The following FAM20C variants were observed in gnomAD, a reference collection of about 807,000 sequenced individuals.
FAM20C encodes the protein extracellular serine/threonine protein kinase FAM20C.
In FAM20C, 40 loss-of-function variants were observed where a neutral mutation model predicts 51.5. That is an observed-to-expected ratio of 0.78 (90% CI 0.60 to 1.01). The LOEUF (loss-of-function observed/expected upper bound fraction) is 1.01, where lower values mean the gene tolerates loss of function less well. FAM20C is among the 50% of genes least tolerant of loss of function. The pLI is 0.00. For synonymous variants in FAM20C, 406 were observed against 380.6 expected (o/e 1.07, Z -0.78); for missense variants, 861 against 844.7 (o/e 1.02, Z -0.24).
At chr7:256,505 G>A (rs935403105) in intron 6 of FAM20C, 149 bp from the exon 7 acceptor site, 47 of 671,094 alleles carry the variant, frequency 7.0e-5, no homozygotes, top group African/African-American at 1.8e-4. Flanking sequence ...CCGTGCTCCC[G>A]CTAATGCAGC....
intron 2 of FAM20C, chr7:197,593 C>T (rs1309749592): frequency 6.3e-6 from 1 of 159,892 alleles, no homozygotes; most frequent in Admixed American, 6.5e-5. Flanking sequence ...TGTGAGCAAG[C>T]TTGTTAAATA....
At chr7:223,814 C>A (rs901233139) in intron 3 of FAM20C, among the ~76,000 whole-genome samples, 1 of 152,118 alleles carries the variant, frequency 6.6e-6, no homozygotes, top group Non-Finnish European at 1.5e-5. Flanking sequence ...GAACTTTTTT[C>A]ATTTGAAGAA....
intron 3 of FAM20C, among the ~76,000 whole-genome samples, chr7:223,097 G>A (rs771042115): frequency 6.6e-6 from 1 of 152,042 alleles, no homozygotes; most frequent in African/African-American, 2.4e-5. Flanking sequence ...ATGTGGGGGA[G>A]TGTGCACGTG....
intron 8 of FAM20C, chr7:257,491 G>T: frequency 5.0e-6 from 1 of 201,772 alleles, no homozygotes; most frequent in Non-Finnish European, 1.0e-5. Flanking sequence ...GGTCTTGGGC[G>T]GCGCTGTGAG....
intron 2 of FAM20C, among the ~76,000 whole-genome samples, chr7:206,134 A>G (rs1325355071): frequency 1.3e-5 from 2 of 152,088 alleles, no homozygotes; most frequent in South Asian, 4.2e-4. Flanking sequence ...TCTTCCTTCC[A>G]TGACATTCCC....
chr7:223,066 C>T (rs910495922), intron 3 of FAM20C, among the ~76,000 whole-genome samples: 2 of 151,966 alleles, frequency 1.3e-5, no homozygotes, highest in African/African-American at 4.8e-5. Flanking sequence ...CACTCATGCA[C>T]GTGTGTGTAG....
In FAM20C at chr7:212,585, C is replaced by G. The variant is rs62430288; in HGVS notation, c.863+3609C>G. Among the ~76,000 whole-genome samples the G allele has an allele frequency of 4.6e-3, 693 of 151,384 alleles. 7 individuals carry two copies. The highest frequency in any genetic ancestry group is 7.2e-3 in the Non-Finnish European group (490 of 67,870). On this transcript the variant is annotated intron_variant, in intron 3 of 9. Transcript: ENST00000313766. ...TTTCTCCTCCGAGGTGCTAGATGTG[C>G]GGTGAGAGGGTGTAGGTGAGGGGCC...
At chr7:226,537 C>T (rs1787455609) in intron 3 of FAM20C, among the ~76,000 whole-genome samples, 1 of 152,180 alleles carries the variant, frequency 6.6e-6, no homozygotes, top group Admixed American at 6.5e-5. Flanking sequence ...TCTCAGGTGG[C>T]CCCGTGTGCC....
intron 3 of FAM20C, among the ~76,000 whole-genome samples, chr7:223,250 A>G (rs1787320480): frequency 6.6e-6 from 1 of 152,148 alleles, no homozygotes; most frequent in Non-Finnish European, 1.5e-5. Context: ...CCAGCCTCAC[A>G]GGGATGGAGA....
intron 3 of FAM20C, among the ~76,000 whole-genome samples, chr7:213,536 T>C (rs1323833561): frequency 6.6e-6 from 1 of 152,028 alleles, no homozygotes; most frequent in African/African-American, 2.4e-5. Flanking sequence ...GGCTAAGTAA[T>C]ATTCCAAGGT....
chr7:207,617 G>A (rs1226399215), intron 2 of FAM20C, among the ~76,000 whole-genome samples: 3 of 152,328 alleles, frequency 2.0e-5, no homozygotes, highest in East Asian at 3.9e-4. Flanking sequence ...TTCCATTTAC[G>A]TCTGTGCCGG....
intron 3 of FAM20C, among the ~76,000 whole-genome samples, chr7:234,883 A>G (rs1187264063): frequency 6.6e-6 from 1 of 151,928 alleles, no homozygotes; most frequent in Non-Finnish European, 1.5e-5. Context: ...TGCATGTCTC[A>G]TGGGGACCTC....
chr7:211,378 G>A (rs1562372284), intron 3 of FAM20C, among the ~76,000 whole-genome samples: 2 of 60,552 alleles, frequency 3.3e-5, no homozygotes, highest in Non-Finnish European at 6.7e-5. Context: ...CCAACCTCCC[G>A]GCCTGCCCCC....
intron 1 of FAM20C, among the ~76,000 whole-genome samples, chr7:194,520 G>T (rs1049378349): frequency 7.2e-5 from 11 of 151,746 alleles, no homozygotes; most frequent in Admixed American, 2.0e-4. Context: ...CCTGCCGAAG[G>T]TTACCCCAGC....
chr7:202,301 G>T (rs1279338493), intron 2 of FAM20C, among the ~76,000 whole-genome samples: 3 of 149,032 alleles, frequency 2.0e-5, no homozygotes, highest in Admixed American at 6.7e-5. Context: ...ACTGGGGAAT[G>T]GGGGGGCCCT....
At chr7:216,680 TGA>T (rs1220790368) in intron 3 of FAM20C, among the ~76,000 whole-genome samples, 3,465 of 94,972 alleles carry the variant, frequency 0.036, 103 homozygotes, top group East Asian at 0.19. Flanking sequence ...AGAGTGTGTG[TGA>T]GAGTGTGTGT....
Position 260,041 on chromosome 7 carries a change from G to C in FAM20C, c.*61G>C, listed in dbSNP as rs934606472. The C allele has an allele frequency of 6.9e-7, 1 of 1,442,270 alleles. No homozygotes were observed. The highest frequency in any genetic ancestry group is 9.1e-7 in the Non-Finnish European group (1 of 1,096,134). 89.3% of individuals were successfully genotyped at this position (1,442,270 alleles called of 1,614,324 possible). On this transcript the variant is annotated 3_prime_UTR_variant, in exon 10 of 10. Transcript: ENST00000313766. The stretch of plus-strand genomic sequence containing the variant: ...AGAGGCGCCGGACCTCCCAGCAAGC[G>C]CATGCGCCCGTCGTGAATTCAGTGA...
chr7:255,908 T>A lies in FAM20C; in HGVS notation c.1132T>A (p.Cys378Ser). ...CTACTGCTCCACGGAGCACGCCCTG[T>A]GCGGGAAGCCAGACCAGATCGAGGG... ...SYYCSTEHAL[C>S]GKPDQIEGSL... The change falls in exon 6 of 10, where the codon TGC (cysteine) becomes AGC (serine). Residue 378 changes from cysteine (C) to serine (S), a missense_variant. Coordinates refer to ENST00000313766, the MANE Select transcript of FAM20C (RefSeq NM_020223.4). The A allele has an allele frequency of 6.5e-7, 1 of 1,536,428 alleles. No individual in the cohort carries two copies.
intron 5 of FAM20C, among the ~76,000 whole-genome samples, chr7:253,018 G>A (rs1244925053): frequency 1.3e-5 from 2 of 152,254 alleles, no homozygotes; most frequent in East Asian, 3.8e-4. Flanking sequence ...GCCCGACACA[G>A]CCTGGACAGA....
Sources: gnomAD v4.1 joint callset for allele counts (sites outside exome capture counted in the v4.1 genomes callset) on GRCh38, gnomAD v4.1.1 for gene constraint, MANE v1.5 for transcripts, NCBI Gene and HGNC (gene_info 2026-07-23, HGNC 2026-07-21) for gene names.